Variants in MBNL3 observed in about 807,000 individuals in gnomAD.
MBNL3 encodes muscleblind-like protein 3.
A neutral mutation model predicts 24.5 loss-of-function variants in MBNL3; 6 were observed. The observed-to-expected ratio is 0.25, with a 90% CI of 0.13 to 0.48. The LOEUF is 0.48. Among genes scored for constraint, MBNL3 ranks in the 20% least tolerant of loss-of-function variants. The pLI, the probability that MBNL3 is intolerant of heterozygous loss-of-function variation, is 0.99. For synonymous variants in MBNL3, 100 were observed against 101.7 expected, an observed-to-expected ratio of 0.98 and a Z score of 0.10; for missense variants, 230 against 293.5, an observed-to-expected ratio of 0.78 and a Z score of 1.58.
At position 132,370,970 on chromosome X, in the gene MBNL3, C is replaced by T. The variant is rs1011148628; in HGVS notation, c.*8696G>A. ...ATGCTTGCCCTGAATTCTTACCTAA[C>T]ATTCAGCAGCCTCAAAGAGAAAGAC... is the stretch of plus-strand genomic sequence containing the variant. On this transcript the variant is annotated 3_prime_UTR_variant, in exon 9 of 9. Coordinates refer to ENST00000370853, the MANE Select transcript of MBNL3 (RefSeq NM_001386889.1). The T allele has an allele frequency of 8.9e-6, 1 of 111,888 alleles. No individual in the cohort carries two copies. The highest frequency in any genetic ancestry group is 1.9e-5 in the Non-Finnish European group (1 of 53,185). 9.2% of individuals were successfully genotyped at this position (111,888 alleles called of 1,213,427 possible).
At chrX:132,436,906 G>A (rs1208823457) in intron 2 of MBNL3, among the ~76,000 whole-genome samples, 2 of 111,899 alleles carry the variant, frequency 1.8e-5, no homozygotes, top group Admixed American at 1.9e-4. Flanking sequence ...TTTACCCTGT[G>A]TGACTGGTCA....
chrX:132,391,473 A>T (rs1409704602), intron 4 of MBNL3, among the ~76,000 whole-genome samples: 8 of 112,231 alleles, frequency 7.1e-5, no homozygotes, highest in Non-Finnish European at 1.5e-4. Context: ...CAACTTGTGA[A>T]CCATAACTGA....
chrX:132,485,972 G>A (rs1227677870), intron 1 of MBNL3, among the ~76,000 whole-genome samples: 1 of 112,300 alleles, frequency 8.9e-6, no homozygotes, highest in Admixed American at 9.4e-5. Flanking sequence ...CCTTGATGAA[G>A]TAAAGGTGAG....
chrX:132,449,804 C>T (rs1417122029), intron 1 of MBNL3, among the ~76,000 whole-genome samples: 1 of 110,504 alleles, frequency 9.0e-6, no homozygotes, highest in East Asian at 2.8e-4. Context: ...TTTTCCTTTC[C>T]ATATTTTAGT....
intron 1 of MBNL3, among the ~76,000 whole-genome samples, chrX:132,456,744 C>T (rs765628609): frequency 8.9e-6 from 1 of 111,749 alleles, no homozygotes; most frequent in South Asian, 3.7e-4. Context: ...TCCAAGTTCT[C>T]ATTTCCCCCA....
intron 2 of MBNL3, among the ~76,000 whole-genome samples, chrX:132,408,555 C>G (rs1451882370): frequency 9.0e-6 from 1 of 111,238 alleles, no homozygotes; most frequent in African/African-American, 3.3e-5. Context: ...TGAATGTAAT[C>G]AGAGAGAGAA....
intron 1 of MBNL3, among the ~76,000 whole-genome samples, chrX:132,484,343 G>C (rs142592742): frequency 2.0e-4 from 22 of 112,456 alleles, no homozygotes; most frequent in African/African-American, 6.5e-4. Flanking sequence ...GATTAATCTA[G>C]TCTTTCATTT....
intron 1 of MBNL3, among the ~76,000 whole-genome samples, chrX:132,468,293 A>C: frequency 8.9e-6 from 1 of 112,199 alleles, no homozygotes; most frequent in Middle Eastern, 4.6e-3. Context: ...GACATTATAA[A>C]ACTCTGTGAC....
chrX:132,438,567 C>G (rs886815463), intron 2 of MBNL3, among the ~76,000 whole-genome samples: 7 of 110,402 alleles, frequency 6.3e-5, no homozygotes, highest in Non-Finnish European at 9.5e-5. Flanking sequence ...TGTAGCAAAT[C>G]TTAATTAAAC....
chrX:132,454,965 A>G (rs1238178562), intron 1 of MBNL3, among the ~76,000 whole-genome samples: 1 of 112,333 alleles, frequency 8.9e-6, no homozygotes, highest in Non-Finnish European at 1.9e-5. Context: ...TTTATGCTTC[A>G]CTGGAAATTG....
intron 3 of MBNL3, among the ~76,000 whole-genome samples, chrX:132,403,146 GTAA>G (rs1444439466): frequency 9.0e-6 from 1 of 111,600 alleles, no homozygotes; most frequent in East Asian, 2.8e-4. Flanking sequence ...TATTACTTCT[GTAA>G]TAATATCAGG....
At chrX:132,401,318 TAC>T (rs200712971) in intron 3 of MBNL3, among the ~76,000 whole-genome samples, 1,344 of 111,555 alleles carry the variant, frequency 0.012, 7 homozygotes, top group Non-Finnish European at 0.02. Context: ...ATGACTGACT[TAC>T]AAAAATTAAA....
chrX:132,489,416 AGCTCCCTCGCGGAGGCCGGGCGTGGG>A (rs1284565992), upstream of MBNL3, among the ~76,000 whole-genome samples: 5 of 111,754 alleles, frequency 4.5e-5, no homozygotes, highest in East Asian at 1.4e-3. Flanking sequence ...GGAGCGCCCC[AGCTCCCTCGCGGAGGCCGGGCGTGGG>A]GCTCCCGCCC....
chrX:132,382,210 C>T lies in MBNL3; in HGVS notation c.1021G>A (p.Val341Ile), dbSNP rs757550816. The change falls in exon 8 of 9, where the codon GTT becomes ATT. Residue 341 changes from valine to isoleucine, a missense_variant. Val to Ile is a conservative substitution (Grantham distance 29). Transcript: ENST00000370853. ...CCTGTAGTTGGTGCAGCGAACGGAA[C>T]GCTGGTGGCAGGTGTTGTTGCTGCA... ...VSAATTPATS[V>I]PFAAPTTGNQ... 134 of 1,209,275 alleles carry T rather than the reference C, an allele frequency of 1.1e-4. No individual in the cohort carries two copies. The Middle Eastern group carries it at 2.7e-3, about 25-fold the overall frequency.
intron 1 of MBNL3, among the ~76,000 whole-genome samples, chrX:132,470,161 T>C (rs749117571): frequency 1.9e-3 from 215 of 111,618 alleles, no homozygotes; most frequent in Non-Finnish European, 3.5e-3. Context: ...ACTAAATCAG[T>C]ACAATTTTAA....
chrX:132,431,916 C>T (rs961701582), intron 2 of MBNL3: 1 of 111,602 alleles, frequency 9.0e-6, no homozygotes, highest in Admixed American at 9.5e-5. Context: ...TTTATTTGTT[C>T]AACCTCAGTA....
At chrX:132,489,362 C>G (rs1430055181), upstream of MBNL3, among the ~76,000 whole-genome samples, 1 of 112,455 alleles carries the variant, frequency 8.9e-6, no homozygotes, top group Non-Finnish European at 1.9e-5. Context: ...CGGCCCTACC[C>G]GCTCCTCCCA....
intron 2 of MBNL3, chrX:132,431,606 T>C (rs940222098): frequency 9.0e-6 from 1 of 111,636 alleles, no homozygotes; most frequent in African/African-American, 3.3e-5. Flanking sequence ...ATTCCAAAGA[T>C]CCCGAGTTCC....
At chrX:132,403,732 G>A (rs1430456515) in intron 3 of MBNL3, among the ~76,000 whole-genome samples, 1 of 111,211 alleles carries the variant, frequency 9.0e-6, no homozygotes, top group Non-Finnish European at 1.9e-5. Flanking sequence ...TGAATAGAAC[G>A]GCTTCCCTCT....
Sources: allele counts gnomAD v4.1 joint callset (sites outside exome capture counted in the v4.1 genomes callset), GRCh38; gene constraint gnomAD v4.1.1; transcripts MANE v1.5; gene names NCBI Gene and HGNC (gene_info 2026-07-23, HGNC 2026-07-21).